The following LHFPL1 variants were observed in gnomAD, a reference collection of about 807,000 sequenced individuals.
LHFPL1 encodes LHFPL tetraspan subfamily member 1.
Under a neutral mutation model 12.1 loss-of-function variants are expected in LHFPL1, and 4 were observed. The ratio of observed to expected loss-of-function variants is 0.33; its 90% CI spans 0.16 to 0.76. The LOEUF (loss-of-function observed/expected upper bound fraction) is 0.76. LHFPL1 is among the 30% of genes least tolerant of loss of function. LHFPL1 has a pLI of 0.61. For missense variants in LHFPL1, 141 were observed against 174.1 expected, an observed-to-expected ratio of 0.81 and a Z score of 1.07; for synonymous variants, 52 against 61.9, an observed-to-expected ratio of 0.84 and a Z score of 0.75.
intron 3 of LHFPL1, among the ~76,000 whole-genome samples, chrX:112,645,105 C>A (rs1171730895): frequency 8.9e-6 from 1 of 112,129 alleles, no homozygotes; most frequent in Non-Finnish European, 1.9e-5. Context: ...TCTGGGGCAT[C>A]CCCTCCAAAA....
intron 3 of LHFPL1, among the ~76,000 whole-genome samples, chrX:112,657,414 GA>G (rs765962194): frequency 1.8e-5 from 2 of 111,870 alleles, no homozygotes; most frequent in South Asian, 7.5e-4. Flanking sequence ...ATATCAGCTT[GA>G]TTTTGTGTAG....
intron 3 of LHFPL1, among the ~76,000 whole-genome samples, chrX:112,659,189 C>T (rs1307317990): frequency 1.8e-5 from 2 of 111,532 alleles, no homozygotes; most frequent in East Asian, 2.8e-4. Flanking sequence ...GGGCAGGGTG[C>T]GGTGGCTCCC....
intron 1 of LHFPL1, among the ~76,000 whole-genome samples, chrX:112,673,849 A>G (rs1931579136): frequency 1.8e-5 from 2 of 111,776 alleles, no homozygotes; most frequent in Non-Finnish European, 3.8e-5. Context: ...AAAAATATTG[A>G]AGACAGAAGG....
intron 3 of LHFPL1, among the ~76,000 whole-genome samples, chrX:112,643,378 CAAAAAAAAAAA>C (rs1164744066): frequency 2.6e-5 from 1 of 38,950 alleles, no homozygotes; most frequent in Non-Finnish European, 4.9e-5. Flanking sequence ...GACTCCGTCT[CAAAAAAAAAAA>C]AAAAAAAAAA....
chrX:112,641,498 C>T (rs1328208340), intron 3 of LHFPL1, among the ~76,000 whole-genome samples: 1 of 111,566 alleles, frequency 9.0e-6, no homozygotes, highest in Non-Finnish European at 1.9e-5. Flanking sequence ...CTAGAAATCA[C>T]GTCCTTTCAC....
intron 3 of LHFPL1, among the ~76,000 whole-genome samples, chrX:112,639,848 A>C (rs1930451587): frequency 8.9e-6 from 1 of 112,132 alleles, no homozygotes; most frequent in African/African-American, 3.2e-5. Context: ...GTTGCCTTTT[A>C]TACAGCCTGT....
At chrX:112,651,622 T>C (rs1304836033) in intron 3 of LHFPL1, among the ~76,000 whole-genome samples, 1 of 111,758 alleles carries the variant, frequency 8.9e-6, no homozygotes, top group African/African-American at 3.3e-5. Context: ...TCCATACCCA[T>C]ATCAAATCTA....
At chrX:112,675,358 C>G (rs1931628989) in intron 1 of LHFPL1, among the ~76,000 whole-genome samples, 2 of 110,571 alleles carry the variant, frequency 1.8e-5, no homozygotes, top group African/African-American at 6.6e-5. Context: ...TGTGTAGTGC[C>G]GTGACTACAG....
intron 2 of LHFPL1, among the ~76,000 whole-genome samples, 180 bp from the exon 3 acceptor site, chrX:112,660,905 G>A (rs1052270764): frequency 8.9e-6 from 1 of 111,923 alleles, no homozygotes; most frequent in Non-Finnish European, 1.9e-5. Context: ...CATGCCACAG[G>A]TAGTGGAGTG....
intron 3 of LHFPL1, among the ~76,000 whole-genome samples, chrX:112,647,544 T>C (rs1244851246): frequency 1.8e-5 from 2 of 112,196 alleles, no homozygotes; most frequent in African/African-American, 6.5e-5. Context: ...AAAGAGGACA[T>C]TTATGCGGCA....
intron 3 of LHFPL1, among the ~76,000 whole-genome samples, chrX:112,656,631 T>C (rs1460102981): frequency 8.9e-6 from 1 of 111,886 alleles, no homozygotes; most frequent in Non-Finnish European, 1.9e-5. Flanking sequence ...AGGAATACAC[T>C]TAAAAGTTAT....
chrX:112,652,735 C>A (rs956208857), intron 3 of LHFPL1, among the ~76,000 whole-genome samples: 24 of 111,876 alleles, frequency 2.1e-4, no homozygotes, highest in African/African-American at 6.5e-4. Context: ...GAGGGAGCTG[C>A]CTCATTAAAG....
At chrX:112,657,171 G>A (rs1050188367) in intron 3 of LHFPL1, among the ~76,000 whole-genome samples, 7 of 112,242 alleles carry the variant, frequency 6.2e-5, no homozygotes, top group African/African-American at 1.9e-4. Context: ...ACAATTCTGT[G>A]TTAATAGGCC....
intron 2 of LHFPL1, among the ~76,000 whole-genome samples, chrX:112,664,723 C>T (rs1047055593): frequency 5.4e-5 from 6 of 111,839 alleles, no homozygotes; most frequent in Non-Finnish European, 1.1e-4. Flanking sequence ...CCTGGGAACA[C>T]ATTAAAAATA....
intron 1 of LHFPL1, among the ~76,000 whole-genome samples, chrX:112,677,261 A>G (rs993860710): frequency 1.8e-5 from 2 of 111,596 alleles, no homozygotes; most frequent in Non-Finnish European, 3.8e-5. Context: ...GGGTACAGGC[A>G]AAACAGTAAG....
intron 3 of LHFPL1, among the ~76,000 whole-genome samples, chrX:112,659,331 G>A (rs896351786): frequency 5.4e-5 from 6 of 111,034 alleles, no homozygotes; most frequent in Non-Finnish European, 1.1e-4. Flanking sequence ...GTAGTGGCGC[G>A]AGCCTGTAGT....
At chrX:112,653,091 TTAAG>T (rs1411944154) in intron 3 of LHFPL1, among the ~76,000 whole-genome samples, 3 of 112,131 alleles carry the variant, frequency 2.7e-5, no homozygotes, top group Non-Finnish European at 5.6e-5. Flanking sequence ...CTACATAACT[TTAAG>T]TAGCTACTTA....
intron 1 of LHFPL1, among the ~76,000 whole-genome samples, chrX:112,672,266 C>A (rs1243156090): frequency 8.9e-6 from 1 of 111,984 alleles, no homozygotes; most frequent in Non-Finnish European, 1.9e-5. Flanking sequence ...GCACTCCCTA[C>A]CTTGCAGCAG....
intron 3 of LHFPL1, among the ~76,000 whole-genome samples, chrX:112,637,833 G>A (rs1445985899): frequency 8.9e-6 from 1 of 111,898 alleles, no homozygotes; most frequent in Non-Finnish European, 1.9e-5. Context: ...TCAGATATAT[G>A]AAGATTTAAT....
Sources: allele counts gnomAD v4.1 joint callset (sites outside exome capture counted in the v4.1 genomes callset), GRCh38; gene constraint gnomAD v4.1.1; transcripts MANE v1.5; gene names NCBI Gene and HGNC (gene_info 2026-07-23, HGNC 2026-07-21).